The following IL12A variants were observed in gnomAD, a reference collection of about 807,000 sequenced individuals.
IL12A encodes the protein interleukin-12 subunit alpha.
A neutral mutation model predicts 23.5 loss-of-function variants in IL12A; 16 were observed. The observed-to-expected ratio is 0.68, with a 90% confidence interval of 0.46 to 1.03. IL12A has a LOEUF of 1.03. Ranked by LOEUF, IL12A falls within the 50% of genes least tolerant of loss-of-function variation. The pLI is 0.00. For synonymous variants in IL12A, 106 were observed against 111.5 expected, an observed-to-expected ratio of 0.95 and a Z score of 0.31; for missense variants, 275 against 307.0, an observed-to-expected ratio of 0.90 and a Z score of 0.78.
intron 2 of IL12A, among the ~76,000 whole-genome samples, 182 bp from the exon 3 acceptor site, chr3:159,992,830 G>A (rs746797968): frequency 1.6e-4 from 24 of 152,330 alleles, no homozygotes; most frequent in South Asian, 8.3e-4. Flanking sequence ...GAGGGTGAGA[G>A]ACAGAATGTA....
rs145966714 is a variant in IL12A at position 159,990,299 on chromosome 3, A to C, written c.251A>C (p.Asn84Thr). Residue 84 changes from asparagine (N) to threonine (T), a missense_variant, in exon 2 of 7, where the codon AAC becomes ACC. Coordinates refer to ENST00000305579, the MANE Select transcript of IL12A (RefSeq NM_000882.4). Reference sequence around the variant, plus strand: ...CAAAACCTGCTGAGGGCCGTCAGCAACATGCTCCAGAAGGTGAGCCTTTCC... The same window carrying C: ...CAAAACCTGCTGAGGGCCGTCAGCACCATGCTCCAGAAGGTGAGCCTTTCC... The C allele has an allele frequency of 1.9e-6, 3 of 1,614,018 alleles. No homozygotes were observed. The highest frequency in any genetic ancestry group is 2.5e-6 in the Non-Finnish European group (3 of 1,180,010).
Position 159,993,065 on chromosome 3 carries a change from A to G in IL12A, c.318A>G (p.Glu106=). ...GCACTTCTGAAGAGATTGATCATGA[A>G]GATATCACAAAAGATAAAACCAGCA... The change falls in exon 3 of 7, where the codon GAA becomes GAG. Residue 106 remains glutamate, a synonymous_variant. Transcript: ENST00000305579. 1 of 1,611,098 alleles carries G rather than the reference A, an allele frequency of 6.2e-7. No homozygotes were observed. The highest frequency in any genetic ancestry group is 8.5e-7 in the Non-Finnish European group (1 of 1,177,224).
intron 3 of IL12A, 141 bp from the exon 4 acceptor site, chr3:159,993,310 T>TACACTTA: frequency 1.3e-6 from 1 of 754,658 alleles, no homozygotes; most frequent in Non-Finnish European, 2.2e-6. Flanking sequence ...ACAATGTGAA[T>TACACTTA]ACACTTAACA....
intron 1 of IL12A, among the ~76,000 whole-genome samples, chr3:159,989,959 A>T (rs570315974): frequency 3.9e-5 from 6 of 152,206 alleles, no homozygotes; most frequent in Non-Finnish European, 8.8e-5. Context: ...AGACCCTCAC[A>T]GGGAGCTGGC....
intron 1 of IL12A, among the ~76,000 whole-genome samples, chr3:159,989,514 G>A (rs1253336580): frequency 6.6e-6 from 1 of 152,144 alleles, no homozygotes; most frequent in Non-Finnish European, 1.5e-5. Flanking sequence ...GGGTGCAATG[G>A]CTCACGCCTG....
rs1720408249 is a variant in IL12A, at chr3:159,993,987, G to A, written c.606+143G>A. 4 of 796,144 alleles carry A rather than the reference G, an allele frequency of 5.0e-6. No individual in the cohort carries two copies. The East Asian group carries it at 7.4e-5, about 15-fold the overall frequency. 49.3% of individuals were successfully genotyped at this position (796,144 alleles called of 1,614,324 possible). ...ACATTTTCAAGAAGACAGCCTTGAG[G>A]GTGCCGTCTATAGGGAGCACAAATG... On this transcript the variant is annotated intron_variant, in intron 6 of 6. Transcript: ENST00000305579.
chr3:159,993,248 C>A, intron 3 of IL12A, 123 bp downstream of exon 3: 1 of 741,736 alleles, frequency 1.3e-6, no homozygotes, highest in Non-Finnish European at 2.3e-6. Flanking sequence ...GGTCCTACTT[C>A]AGAAGTTAGA....
intron 2 of IL12A, among the ~76,000 whole-genome samples, chr3:159,991,750 G>C (rs1472227451): frequency 6.6e-6 from 1 of 152,218 alleles, no homozygotes; most frequent in Non-Finnish European, 1.5e-5. Context: ...GGGAGAATCT[G>C]TTGCCTTGCT....
rs866444369 is a variant in IL12A at position 159,989,080 on chromosome 3, C to T, written c.24C>T (p.Ser8=). The stretch of plus-strand genomic sequence containing the variant: ...AAATGTGGCCCCCTGGGTCAGCCTC[C>T]CAGCCACCGCCCTCACCTGCCGCGG... Residue 8 remains serine, a synonymous_variant, in exon 1 of 7, where the codon TCC becomes TCT. Coordinates refer to ENST00000305579, the MANE Select transcript of IL12A (RefSeq NM_000882.4). The T allele has an allele frequency of 6.2e-7, 1 of 1,613,334 alleles. No individual in the cohort carries two copies. The highest frequency in any genetic ancestry group is 8.5e-7 in the Non-Finnish European group (1 of 1,179,796).
At chr3:159,993,394 A>G in intron 3 of IL12A, 57 bp from the exon 4 acceptor site, 2 of 1,350,892 alleles carry the variant, frequency 1.5e-6, no homozygotes, top group Non-Finnish European at 2.1e-6. Context: ...AGACCTGAAG[A>G]GTCAGAAAGA....
intron 3 of IL12A, 42 bp from the exon 4 acceptor site, chr3:159,993,409 T>A (rs1406934214): frequency 2.0e-6 from 3 of 1,487,796 alleles, no homozygotes; most frequent in Admixed American, 1.8e-5. Flanking sequence ...GAAAGATTTA[T>A]ACTAAGAATT....
intron 2 of IL12A, among the ~76,000 whole-genome samples, chr3:159,992,510 T>C (rs1200786843): frequency 6.6e-6 from 1 of 152,226 alleles, no homozygotes; most frequent in Non-Finnish European, 1.5e-5. Flanking sequence ...TCCAACACAC[T>C]AAGATGACAT....
rs547979553 is a variant in IL12A at position 159,995,837 on chromosome 3, T to A, written c.*278T>A. On this transcript the variant is annotated 3_prime_UTR_variant, in exon 7 of 7. Transcript: ENST00000305579. ...TTTATAAGCTATTTCTGTACCAAAG[T>A]GTTTGTGGAAACAAACATGTAAGCA... 34 of 223,806 alleles carry A rather than the reference T, an allele frequency of 1.5e-4. No individual in the cohort carries two copies. In the South Asian group the frequency reaches 3.4e-3, roughly 23 times the overall value. 13.9% of individuals were successfully genotyped at this position (223,806 alleles called of 1,614,324 possible).
At chr3:159,993,990 G>A (rs1334071812) in intron 6 of IL12A, 146 bp downstream of exon 6, 2 of 766,126 alleles carry the variant, frequency 2.6e-6, no homozygotes, top group Non-Finnish European at 4.3e-6. Flanking sequence ...CCTTGAGGGT[G>A]CCGTCTATAG....
chr3:159,991,652 C>CAG (rs1358803765), intron 2 of IL12A, among the ~76,000 whole-genome samples: 1 of 152,186 alleles, frequency 6.6e-6, no homozygotes, highest in Non-Finnish European at 1.5e-5. Context: ...TATTATCTTA[C>CAG]AGCTCTGGGC....
chr3:159,990,099 A>G, intron 1 of IL12A, 68 bp from the exon 2 acceptor site: 2 of 1,548,082 alleles, frequency 1.3e-6, no homozygotes, highest in Non-Finnish European at 1.8e-6. Flanking sequence ...GGTGGCCAGA[A>G]TGGAGGGAAG....
intron 3 of IL12A, 137 bp downstream of exon 3, chr3:159,993,262 G>C: frequency 1.4e-6 from 1 of 722,392 alleles, no homozygotes; most frequent in Non-Finnish European, 2.3e-6. Context: ...AGTTAGATTT[G>C]GGAGAAAAAT....
At chr3:159,993,169 C>A in intron 3 of IL12A, 44 bp downstream of exon 3, 1 of 1,087,392 alleles carries the variant, frequency 9.2e-7, no homozygotes. Flanking sequence ...TGGTTAAAAA[C>A]TGTGCATCAA....
intron 6 of IL12A, 79 bp from the exon 7 acceptor site, chr3:159,995,325 C>G: frequency 1.7e-6 from 2 of 1,196,956 alleles, no homozygotes; most frequent in Non-Finnish European, 2.3e-6. Flanking sequence ...GAGACATGTA[C>G]TGGCTTCACT....
Sources: allele counts gnomAD v4.1 joint callset (sites outside exome capture counted in the v4.1 genomes callset), GRCh38; gene constraint gnomAD v4.1.1; transcripts MANE v1.5; gene names NCBI Gene and HGNC (gene_info 2026-07-23, HGNC 2026-07-21).